RIOK2: variants seen among roughly 807,000 people sequenced by gnomAD.
RIOK2 encodes the protein RIO kinase 2.
RIOK2 carries 46 observed loss-of-function variants against 62.4 expected under a neutral mutation model. The ratio of observed to expected loss-of-function variants is 0.74; its 90% confidence interval spans 0.58 to 0.94. RIOK2 has a LOEUF of 0.94. Among genes scored for constraint, RIOK2 ranks in the 40% least tolerant of loss-of-function variants. The pLI is 0.00. For synonymous variants in RIOK2, 197 were observed against 216.0 expected (o/e 0.91, Z 0.77); for missense variants, 574 against 658.0 (o/e 0.87, Z 1.40).
chr5:97,179,045 A>G lies in RIOK2; in HGVS notation c.205+10T>C, dbSNP rs1749260284. ...CTGAAAAATCACAAATGGTGCCTCA[A>G]AATACTTACTTTTGGTACGCTCCCA... On this transcript the variant is annotated intron_variant, in intron 2 of 9. Coordinates refer to ENST00000283109, the MANE Select transcript of RIOK2 (RefSeq NM_018343.3). The G allele has an allele frequency of 6.2e-7, 1 of 1,613,656 alleles. No homozygotes were observed. The highest frequency in any genetic ancestry group is 1.3e-5 in the African/African-American group (1 of 74,912).
chr5:97,179,043 C>T lies in RIOK2; in HGVS notation c.205+12G>A. The T allele has an allele frequency of 6.2e-7, 1 of 1,613,652 alleles. No homozygotes were observed. Among genetic ancestry groups the T allele is most frequent in the Non-Finnish European group, 8.5e-7 (1 of 1,179,834 alleles). ...ACCTGAAAAATCACAAATGGTGCCT[C>T]AAAATACTTACTTTTGGTACGCTCC... is the stretch of plus-strand genomic sequence containing the variant. On this transcript the variant is annotated intron_variant, in intron 2 of 9. Coordinates refer to ENST00000283109, the MANE Select transcript of RIOK2 (RefSeq NM_018343.3).
At chr5:97,178,826 C>T (rs938292191) in intron 2 of RIOK2, 1 of 558,762 alleles carries the variant, frequency 1.8e-6, no homozygotes, top group Non-Finnish European at 3.2e-6. Flanking sequence ...TACCTACATG[C>T]TCTTCTGCAG....
In RIOK2 at chr5:97,168,779, G is replaced by A; in HGVS notation, c.853C>T (p.Pro285Ser). The A allele has an allele frequency of 1.3e-6, 2 of 1,598,600 alleles. No individual in the cohort carries two copies. The highest frequency in any genetic ancestry group is 1.7e-6 in the Non-Finnish European group (2 of 1,173,784). ...ACAAACCTGATATCCTTAAAAGTTG[G>A]AAAAAGCTCACTTTCGTAGCTGAAA... ...KRFSYESELFPTFKDIRREDT... is the reference protein window; with the variant it reads ...KRFSYESELFSTFKDIRREDT... The change falls in exon 7 of 10, where the codon CCA becomes TCA. Residue 285 changes from proline to serine, a missense_variant. Physicochemically the swap from Pro to Ser is moderately conservative, Grantham distance 74. Transcript: ENST00000283109.
intron 1 of RIOK2, among the ~76,000 whole-genome samples, chr5:97,179,770 C>T (rs57726714): frequency 0.33 from 33,916 of 101,900 alleles, 5,500 homozygotes; most frequent in Middle Eastern, 0.58. Context: ...AGTAAGAATA[C>T]GTGGACACAG....
chr5:97,179,458 G>GTCTTT (rs1749274965), intron 1 of RIOK2, among the ~76,000 whole-genome samples: 2 of 152,050 alleles, frequency 1.3e-5, no homozygotes, highest in Admixed American at 6.6e-5. Flanking sequence ...TAAAATACTT[G>GTCTTT]ATGACACCTA....
Position 97,163,167 on chromosome 5 carries a change from C to G in RIOK2, c.1553G>C (p.Arg518Thr). The change falls in exon 10 of 10, where the codon AGA (arginine) becomes ACA (threonine). Residue 518 changes from arginine to threonine, a missense_variant. Arg to Thr is a moderately conservative substitution (Grantham distance 71). Transcript: ENST00000283109. ...TGCTTCTCCTTTCTGCAATCGACGTCTGACAGCTGATTTTTGCTGTTTTGT... is the reference window on the plus strand; with the variant it reads ...TGCTTCTCCTTTCTGCAATCGACGTGTGACAGCTGATTTTTGCTGTTTTGT... ...QLTKQQKSAV[R>T]RRLQKGEANI... The G allele has an allele frequency of 6.2e-7, 1 of 1,613,698 alleles. No individual in the cohort carries two copies. Among genetic ancestry groups the G allele is most frequent in the South Asian group, 1.1e-5 (1 of 91,084 alleles).
Position 97,168,766 on chromosome 5 carries a change from T to C in RIOK2, c.866A>G (p.Asp289Gly), listed in dbSNP as rs981753701. ...AGCAATGGGGAGTACAAACCTGATATCCTTAAAAGTTGGAAAAAGCTCACT... is the reference window on the plus strand; with the variant it reads ...AGCAATGGGGAGTACAAACCTGATACCCTTAAAAGTTGGAAAAAGCTCACT... ...YESELFPTFK[D>G]IRREDTLDVE... Residue 289 changes from aspartate to glycine, a missense_variant, in exon 7 of 10, where the codon GAT (aspartate) becomes GGT (glycine). Transcript: ENST00000283109. 1.1e-5 allele frequency: 18 copies of C among 1,584,294 alleles called. 1 individual carries two copies. The African/African-American group carries it at 2.4e-4, about 21-fold the overall frequency.
intron 1 of RIOK2, among the ~76,000 whole-genome samples, chr5:97,180,015 T>TATAA (rs1749317664): frequency 1.6e-5 from 1 of 60,784 alleles, no homozygotes; most frequent in Non-Finnish European, 3.1e-5. Flanking sequence ...TATATATATA[T>TATAA]AATATATATA....
At position 97,177,791 on chromosome 5, in the gene RIOK2, A is replaced by C. The variant is rs1348557888; in HGVS notation, c.263T>G (p.Leu88Arg). 6.2e-7 allele frequency: 1 copy of C among 1,613,742 alleles called. No individual in the cohort carries two copies. Among genetic ancestry groups the C allele is most frequent in the East Asian group, 2.2e-5 (1 of 44,836 alleles). The change falls in exon 3 of 10, where the codon CTT becomes CGT. Residue 88 changes from leucine (L) to arginine (R), a missense_variant. Transcript: ENST00000283109. ...AGACTCAACTACTTGCCTAGAAGAA[A>C]GTGTTTTCAAAGCTAGGTAATCATA... ...AGYDYLALKT[L>R]SSRQVVESVG...
intron 6 of RIOK2, among the ~76,000 whole-genome samples, chr5:97,170,871 G>A (rs190411037): frequency 3.3e-5 from 5 of 152,030 alleles, no homozygotes; most frequent in African/African-American, 9.6e-5. Flanking sequence ...TAGCATGTAA[G>A]GGCCGGGCGC....
intron 1 of RIOK2, among the ~76,000 whole-genome samples, chr5:97,180,146 A>ATATATATATGTG (rs1561522487): frequency 3.0e-5 from 1 of 33,108 alleles, no homozygotes. Context: ...ATATATGTAT[A>ATATATATATGTG]TATATATATA....
intron 8 of RIOK2, among the ~76,000 whole-genome samples, chr5:97,165,996 A>C (rs1044019933): frequency 2.6e-5 from 4 of 152,188 alleles, no homozygotes; most frequent in African/African-American, 9.7e-5. Context: ...ATGAGAACAA[A>C]AAGGCAAAGT....
At chr5:97,175,730 G>T (rs1010543529) in intron 4 of RIOK2, among the ~76,000 whole-genome samples, 12 of 152,132 alleles carry the variant, frequency 7.9e-5, no homozygotes, top group African/African-American at 2.2e-4. Context: ...CAAGAAACAG[G>T]TGTTCACACA....
chr5:97,180,486 C>T (rs1181488246), intron 1 of RIOK2, among the ~76,000 whole-genome samples: 2 of 151,846 alleles, frequency 1.3e-5, no homozygotes, highest in Non-Finnish European at 2.9e-5. Context: ...ATATAGAATT[C>T]ATGCAAACGC....
Position 97,167,483 on chromosome 5 carries a change from C to G in RIOK2, c.1381G>C (p.Glu461Gln). The G allele has an allele frequency of 6.2e-7, 1 of 1,614,040 alleles. No homozygotes were observed. The highest frequency in any genetic ancestry group is 1.1e-5 in the South Asian group (1 of 91,076). Reference sequence around the variant, plus strand: ...AGTCTATACCTGAAAGGCCTGAATTCTCTATTTAATGACGACAAGGCAATT... The same window carrying G: ...AGTCTATACCTGAAAGGCCTGAATTGTCTATTTAATGACGACAAGGCAATT... Reference protein sequence around the residue: ...HLIALSSLNREFRPFRDEENV... With the variant: ...HLIALSSLNRQFRPFRDEENV... The change falls in exon 8 of 10, where the codon GAA becomes CAA. Residue 461 changes from glutamate to glutamine, a missense_variant. Transcript: ENST00000283109.
Position 97,183,204 on chromosome 5 carries a change from C to G in RIOK2, c.-13G>C. The G allele has an allele frequency of 6.2e-7, 1 of 1,614,120 alleles. No individual in the cohort carries two copies. Among genetic ancestry groups the G allele is most frequent in the Non-Finnish European group, 8.5e-7 (1 of 1,179,980 alleles). ...TCACTTTCCCCATGGCGGCCCCAGTCCGAACCCAGATGCCTCTCCGACGAC... is the reference window on the plus strand; with the variant it reads ...TCACTTTCCCCATGGCGGCCCCAGTGCGAACCCAGATGCCTCTCCGACGAC... On this transcript the variant is annotated 5_prime_UTR_variant, in exon 1 of 10. Transcript: ENST00000283109.
intron 2 of RIOK2, among the ~76,000 whole-genome samples, chr5:97,178,420 A>T (rs1749232850): frequency 6.7e-6 from 1 of 149,508 alleles, no homozygotes; most frequent in African/African-American, 2.5e-5. Context: ...CAGTACCTAC[A>T]TGCTTTTCTG....
At chr5:97,174,548 C>T (rs1158708041) in intron 4 of RIOK2, among the ~76,000 whole-genome samples, 1 of 152,136 alleles carries the variant, frequency 6.6e-6, no homozygotes, top group African/African-American at 2.4e-5. Flanking sequence ...CTCCAATACA[C>T]ACCAAGAAAC....
intron 1 of RIOK2, among the ~76,000 whole-genome samples, chr5:97,180,142 G>GTATGTATATATATA (rs1350504483): frequency 0.069 from 6,648 of 95,874 alleles, 469 homozygotes; most frequent in Middle Eastern, 0.15. Context: ...ATATATATAT[G>GTATGTATATATATA]TATATATATA....
Sources: gnomAD v4.1 joint callset for allele counts (sites outside exome capture counted in the v4.1 genomes callset) on GRCh38, gnomAD v4.1.1 for gene constraint, MANE v1.5 for transcripts, NCBI Gene and HGNC (gene_info 2026-07-23, HGNC 2026-07-21) for gene names.